The following UNC13B variants were observed in gnomAD, a reference collection of about 807,000 sequenced individuals.
UNC13B encodes the protein protein unc-13 homolog B.
In UNC13B, 144 loss-of-function variants were observed where a neutral mutation model predicts 211.0. That is an observed-to-expected ratio of 0.68 (90% CI 0.60 to 0.78). The LOEUF (loss-of-function observed/expected upper bound fraction) is 0.78. Among genes scored for constraint, UNC13B ranks in the 30% least tolerant of loss-of-function variants. The pLI, the probability that UNC13B is intolerant of heterozygous loss-of-function variation, is 0.00. For synonymous variants in UNC13B, 709 were observed against 725.8 expected, an observed-to-expected ratio of 0.98 and a Z score of 0.37; for missense variants, 1,777 against 2,002.0, an observed-to-expected ratio of 0.89 and a Z score of 2.14.
At position 35,380,439 on chromosome 9, in the gene UNC13B, C is replaced by G. The variant is rs539055233; in HGVS notation, c.10206-31C>G. ...CAGGATTTGGCGCTACTGGGTCTGC[C>G]CCTAACAGAGCCTGCCTAATTCTCT... On this transcript the variant is annotated intron_variant, in intron 17 of 39. Coordinates refer to ENST00000635942, the MANE Select transcript of UNC13B (RefSeq NM_001371189.2). 3.7e-6 allele frequency: 6 copies of G among 1,609,928 alleles called. No individual in the cohort carries two copies. In the South Asian group the frequency reaches 5.5e-5, roughly 15 times the overall value.
At chr9:35,384,112 G>A (rs1379893539) in intron 21 of UNC13B, 134 bp from the exon 22 acceptor site, 7 of 1,371,616 alleles carry the variant, frequency 5.1e-6, no homozygotes, top group African/African-American at 1.4e-5. Context: ...CTTCCCATGG[G>A]CAGGGATGTG....
chr9:35,402,078 A>C, intron 37 of UNC13B: 1 of 1,434,520 alleles, frequency 7.0e-7, no homozygotes, highest in Non-Finnish European at 9.6e-7. Flanking sequence ...AGAATGAGCA[A>C]CTCGTGCTGG....
At chr9:35,393,707 G>A (rs1314303540) in intron 26 of UNC13B, among the ~76,000 whole-genome samples, 1 of 151,902 alleles carries the variant, frequency 6.6e-6, no homozygotes, top group Admixed American at 6.6e-5. Context: ...GAGTAGCTGG[G>A]ATTACAAGCG....
intron 17 of UNC13B, among the ~76,000 whole-genome samples, 148 bp from the exon 18 acceptor site, chr9:35,380,317 AACTTT>A (rs1834736667): frequency 6.6e-6 from 1 of 152,070 alleles, no homozygotes; most frequent in African/African-American, 2.4e-5. Flanking sequence ...AGGATAGCCC[AACTTT>A]CTTGGAACTT....
chr9:35,236,718 A>G, intron 4 of UNC13B, 132 bp downstream of exon 4: 1 of 812,544 alleles, frequency 1.2e-6, no homozygotes, highest in Non-Finnish European at 2.0e-6. Context: ...GAGGGCATGC[A>G]ACCTGCCTGT....
Position 35,375,156 on chromosome 9 carries a change from C to T in UNC13B, c.9570C>T (p.Ile3190=), listed in dbSNP as rs746873653. 5.6e-6 allele frequency: 9 copies of T among 1,614,152 alleles called. No individual in the cohort carries two copies. Among genetic ancestry groups the T allele is most frequent in the Non-Finnish European group, 6.8e-6 (8 of 1,179,990 alleles). ...LSLVQSRKAG[I]TSAMATRTSL... ...TGGTCCAGTCTCGGAAGGCAGGAAT[C>T]ACTTCTGCAATGGCTACACGCACTT... Residue 3190 remains isoleucine (I), a synonymous_variant, in exon 14 of 40, where the codon ATC becomes ATT. Coordinates refer to ENST00000635942, the MANE Select transcript of UNC13B (RefSeq NM_001371189.2).
At position 35,251,215 on chromosome 9, in the gene UNC13B, C is replaced by T. The variant is rs370553690; in HGVS notation, c.469-7778C>T. ...CTCTGACCTCGTGATCCGCCCGCCT[C>T]GGCCTCCCAAAGTGCTGGGATTACA... is the stretch of plus-strand genomic sequence containing the variant. On this transcript the variant is annotated intron_variant, in intron 6 of 39. Coordinates refer to ENST00000635942, the MANE Select transcript of UNC13B (RefSeq NM_001371189.2). Among the ~76,000 whole-genome samples the T allele has an allele frequency of 9.9e-4, 150 of 152,200 alleles. 1 individual carries two copies. The South Asian group carries it at 0.019, about 19-fold the overall frequency.
At chr9:35,387,431 A>G (rs938315764) in intron 24 of UNC13B, among the ~76,000 whole-genome samples, 4 of 152,196 alleles carry the variant, frequency 2.6e-5, no homozygotes, top group African/African-American at 9.6e-5. Context: ...CATGTATTTA[A>G]GGCTTCTTCC....
chr9:35,274,634 A>G (rs1204213147), intron 7 of UNC13B, among the ~76,000 whole-genome samples: 1 of 152,194 alleles, frequency 6.6e-6, no homozygotes, highest in Non-Finnish European at 1.5e-5. Flanking sequence ...ACAAATGCCA[A>G]AGATAATCCT....
intron 11 of UNC13B, among the ~76,000 whole-genome samples, chr9:35,350,489 C>T (rs58177551): frequency 0.029 from 4,372 of 152,188 alleles, 218 homozygotes; most frequent in African/African-American, 0.1. Flanking sequence ...AAAGCCAAAC[C>T]CAGATATTGA....
chr9:35,190,456 C>T (rs576609814), intron 1 of UNC13B, among the ~76,000 whole-genome samples: 11 of 152,280 alleles, frequency 7.2e-5, no homozygotes, highest in African/African-American at 2.6e-4. Context: ...TATCAGATAA[C>T]ACAATGCAAA....
At chr9:35,240,244 A>G (rs563082526) in intron 5 of UNC13B, among the ~76,000 whole-genome samples, 22 of 152,280 alleles carry the variant, frequency 1.4e-4, no homozygotes, top group African/African-American at 5.1e-4. Flanking sequence ...ACTTCCCGCA[A>G]CAGTATCTTG....
intron 1 of UNC13B, among the ~76,000 whole-genome samples, chr9:35,221,236 T>C (rs1365127350): frequency 3.9e-5 from 6 of 152,034 alleles, no homozygotes; most frequent in African/African-American, 1.4e-4. Flanking sequence ...ACCCAGCTGA[T>C]TTTGTGTATT....
At chr9:35,381,936 TCA>T (rs1182110577) in intron 20 of UNC13B, among the ~76,000 whole-genome samples, 1 of 152,174 alleles carries the variant, frequency 6.6e-6, no homozygotes, top group East Asian at 1.9e-4. Flanking sequence ...TCTGTCTGCC[TCA>T]GAGTTGAGGG....
chr9:35,190,690 A>T (rs992795201), intron 1 of UNC13B, among the ~76,000 whole-genome samples: 1 of 152,222 alleles, frequency 6.6e-6, no homozygotes, highest in Non-Finnish European at 1.5e-5. Context: ...AATTCAGTCG[A>T]CTAAAAAGAA....
intron 27 of UNC13B, 77 bp from the exon 28 acceptor site, chr9:35,396,764 C>T (rs1835907934): frequency 2.5e-6 from 4 of 1,603,194 alleles, no homozygotes; most frequent in Admixed American, 1.7e-5. Context: ...CCGAGGACCC[C>T]AGTCTGGTGG....
At chr9:35,200,160 G>C (rs1823195587) in intron 1 of UNC13B, among the ~76,000 whole-genome samples, 1 of 152,050 alleles carries the variant, frequency 6.6e-6, no homozygotes, top group East Asian at 1.9e-4. Flanking sequence ...TAGATGTGTG[G>C]TATTATTTCT....
chr9:35,274,661 T>C (rs974487541), intron 7 of UNC13B, among the ~76,000 whole-genome samples: 1 of 152,176 alleles, frequency 6.6e-6, no homozygotes, highest in Non-Finnish European at 1.5e-5. Context: ...CCTGAGAGAT[T>C]ATTGAACTCT....
chr9:35,336,353 T>G (rs1200548420), intron 11 of UNC13B, among the ~76,000 whole-genome samples: 1 of 152,148 alleles, frequency 6.6e-6, no homozygotes, highest in African/African-American at 2.4e-5. Context: ...CCTCAGAATA[T>G]ATAACATGGG....
Sources: gnomAD v4.1 joint callset for allele counts (sites outside exome capture counted in the v4.1 genomes callset) on GRCh38, gnomAD v4.1.1 for gene constraint, MANE v1.5 for transcripts, NCBI Gene and HGNC (gene_info 2026-07-23, HGNC 2026-07-21) for gene names.